TASP1: variants seen among roughly 807,000 people sequenced by gnomAD.
TASP1 encodes threonine aspartase 1.
Under a neutral mutation model 56.6 loss-of-function variants are expected in TASP1, and 16 were observed. That is an observed-to-expected ratio of 0.28 (90% CI 0.19 to 0.43). TASP1 has a LOEUF of 0.43. TASP1 is among the 20% of genes least tolerant of loss of function. The pLI, the probability that TASP1 is intolerant of heterozygous loss-of-function variation, is 1.00. For missense variants in TASP1, 393 were observed against 511.6 expected (o/e 0.77, Z 2.24); for synonymous variants, 179 against 184.2 (o/e 0.97, Z 0.23).
the TASP1 span, among the ~76,000 whole-genome samples, chr20:13,286,639 C>A: frequency 6.6e-6 from 1 of 152,174 alleles, no homozygotes; most frequent in Non-Finnish European, 1.5e-5. Flanking sequence ...GAGGAGGACA[C>A]AACCATGAAA....
chr20:13,409,459 G>A (rs2042025255), intron 13 of TASP1, among the ~76,000 whole-genome samples: 1 of 151,864 alleles, frequency 6.6e-6, no homozygotes, highest in African/African-American at 2.4e-5. Context: ...TAATTGAATG[G>A]ACCACATTTT....
chr20:13,546,008 T>TGGC (rs1483463183), intron 8 of TASP1, among the ~76,000 whole-genome samples: 1 of 152,214 alleles, frequency 6.6e-6, no homozygotes, highest in African/African-American at 2.4e-5. Context: ...GATGATTTTG[T>TGGC]TCTTCTAACA....
At chr20:13,186,267 A>G in the TASP1 span, among the ~76,000 whole-genome samples, 1 of 152,190 alleles carries the variant, frequency 6.6e-6, no homozygotes, top group Non-Finnish European at 1.5e-5. Context: ...TTAAATATGT[A>G]CATAACACTT....
At chr20:13,416,590 C>T (rs940975421) in intron 13 of TASP1, among the ~76,000 whole-genome samples, 13 of 152,126 alleles carry the variant, frequency 8.5e-5, no homozygotes, top group African/African-American at 2.7e-4. Flanking sequence ...ACAGACTGCT[C>T]ATATCAGAAG....
intron 11 of TASP1, among the ~76,000 whole-genome samples, chr20:13,444,406 C>G (rs1009545472): frequency 6.6e-6 from 1 of 152,260 alleles, no homozygotes; most frequent in South Asian, 2.1e-4. Flanking sequence ...ATGCCATTCT[C>G]TCTTTGAGGA....
chr20:13,505,241 T>C (rs1005339404), intron 10 of TASP1, among the ~76,000 whole-genome samples: 1 of 152,154 alleles, frequency 6.6e-6, no homozygotes, highest in African/African-American at 2.4e-5. Context: ...TAAATACATA[T>C]GTACCCATCA....
At chr20:13,229,890 C>G in the TASP1 span, among the ~76,000 whole-genome samples, 11 of 152,130 alleles carry the variant, frequency 7.2e-5, no homozygotes. Context: ...TGGATTGACT[C>G]ATATTTCTTC....
chr20:13,297,085 GT>G, the TASP1 span, among the ~76,000 whole-genome samples: 6 of 152,184 alleles, frequency 3.9e-5, no homozygotes, highest in Non-Finnish European at 8.8e-5. Flanking sequence ...AGGACAAGCA[GT>G]TTTTGAGGCA....
the TASP1 span, among the ~76,000 whole-genome samples, chr20:13,353,034 G>A: frequency 6.6e-6 from 1 of 152,046 alleles, no homozygotes; most frequent in Non-Finnish European, 1.5e-5. Context: ...ACCAGGAGTT[G>A]AAGACCAACC....
chr20:13,209,687 A>C, the TASP1 span, among the ~76,000 whole-genome samples: 1 of 152,204 alleles, frequency 6.6e-6, no homozygotes, highest in Non-Finnish European at 1.5e-5. Flanking sequence ...TCTAAAAAAA[A>C]TCTGCCATTT....
chr20:13,179,645 G>A, the TASP1 span, among the ~76,000 whole-genome samples: 1 of 152,116 alleles, frequency 6.6e-6, no homozygotes, highest in Non-Finnish European at 1.5e-5. Flanking sequence ...AAAAGTGTGA[G>A]AGGCCTCTTG....
At chr20:13,558,486 T>C (rs1601241069) in intron 8 of TASP1, among the ~76,000 whole-genome samples, 1 of 152,202 alleles carries the variant, frequency 6.6e-6, no homozygotes, top group South Asian at 2.1e-4. Context: ...CAAGGACAAA[T>C]GGAAAGCTGA....
At chr20:13,543,916 T>A (rs1043350178) in intron 8 of TASP1, among the ~76,000 whole-genome samples, 6 of 152,236 alleles carry the variant, frequency 3.9e-5, no homozygotes, top group African/African-American at 1.4e-4. Flanking sequence ...TTATTTCATA[T>A]TTAGATCTTC....
chr20:13,117,057 C>T, the TASP1 span, among the ~76,000 whole-genome samples: 1 of 152,210 alleles, frequency 6.6e-6, no homozygotes, highest in African/African-American at 2.4e-5. Flanking sequence ...TTAATTCCCT[C>T]TTTTAATCTA....
chr20:13,213,352 C>G, the TASP1 span, among the ~76,000 whole-genome samples: 18 of 152,012 alleles, frequency 1.2e-4, no homozygotes, highest in Admixed American at 2.6e-4. Flanking sequence ...TTTTCATTAA[C>G]AACAAATTTA....
intron 11 of TASP1, among the ~76,000 whole-genome samples, chr20:13,478,713 AT>A (rs911595552): frequency 3.3e-5 from 5 of 152,082 alleles, no homozygotes; most frequent in African/African-American, 1.2e-4. Context: ...AACCCCTTAA[AT>A]TTTTACCAAA....
At chr20:13,141,563 G>A in the TASP1 span, among the ~76,000 whole-genome samples, 1 of 152,158 alleles carries the variant, frequency 6.6e-6, no homozygotes, top group Admixed American at 6.5e-5. Context: ...GAAAACAAGA[G>A]GCATCTACAA....
At chr20:13,232,352 C>T in the TASP1 span, among the ~76,000 whole-genome samples, 1 of 152,204 alleles carries the variant, frequency 6.6e-6, no homozygotes, top group Non-Finnish European at 1.5e-5. Flanking sequence ...CCTTCTCTCA[C>T]TGTAGATTAG....
intron 4 of TASP1, among the ~76,000 whole-genome samples, chr20:13,605,654 G>A (rs764258377): frequency 7.2e-5 from 11 of 151,806 alleles, no homozygotes; most frequent in Non-Finnish European, 1.6e-4. Flanking sequence ...GCTCCAGCCT[G>A]GGCAACAGAG....
Sources: allele counts gnomAD v4.1 joint callset (sites outside exome capture counted in the v4.1 genomes callset), GRCh38; gene constraint gnomAD v4.1.1; transcripts MANE v1.5; gene names NCBI Gene and HGNC (gene_info 2026-07-23, HGNC 2026-07-21).